The following ATAD2 variants were observed in gnomAD, a reference collection of about 807,000 sequenced individuals.
ATAD2 encodes ATPase family AAA domain containing 2.
ATAD2 carries 62 observed loss-of-function variants against 168.9 expected under a neutral mutation model. The observed-to-expected ratio is 0.37, with a 90% CI of 0.30 to 0.45. ATAD2 has a LOEUF of 0.45. ATAD2 is among the 20% of genes least tolerant of loss of function. ATAD2 has a pLI of 1.00. For missense variants in ATAD2, 1,419 were observed against 1,667.8 expected, an observed-to-expected ratio of 0.85 and a Z score of 2.60; for synonymous variants, 613 against 571.6, an observed-to-expected ratio of 1.07 and a Z score of -1.03.
At chr8:123,353,404 A>C (rs1443472119) in intron 13 of ATAD2, among the ~76,000 whole-genome samples, 1 of 152,066 alleles carries the variant, frequency 6.6e-6, no homozygotes, top group Non-Finnish European at 1.5e-5. Flanking sequence ...ACCAAAACCA[A>C]CAACAACAAA....
At chr8:123,372,763 C>G in intron 2 of ATAD2, 77 bp from the exon 3 acceptor site, 1 of 1,249,486 alleles carries the variant, frequency 8.0e-7, no homozygotes, top group Non-Finnish European at 1.1e-6. Flanking sequence ...GGATTGCACT[C>G]CATCGTCCAA....
chr8:123,341,894 C>A (rs1828072973), intron 19 of ATAD2, among the ~76,000 whole-genome samples: 1 of 152,134 alleles, frequency 6.6e-6, no homozygotes, highest in African/African-American at 2.4e-5. Context: ...CAAGACCAGC[C>A]TGGCCAACAT....
intron 8 of ATAD2, among the ~76,000 whole-genome samples, chr8:123,366,271 G>C (rs1017580664): frequency 2.0e-5 from 3 of 152,078 alleles, no homozygotes; most frequent in Admixed American, 2.0e-4. Context: ...AAAAATAATA[G>C]ATGTTGGTGT....
At chr8:123,347,441 C>A (rs1482243789) in intron 15 of ATAD2, 35 bp from the exon 16 acceptor site, 1 of 1,521,904 alleles carries the variant, frequency 6.6e-7, no homozygotes, top group Non-Finnish European at 8.8e-7. Context: ...AAAGAACCAG[C>A]CGACCAAACA....
upstream of ATAD2, chr8:123,401,065 G>A (rs1812989666): frequency 5.7e-6 from 9 of 1,573,458 alleles, no homozygotes; most frequent in Middle Eastern, 2.3e-4. Flanking sequence ...CCGAGACATC[G>A]ACTTTCTTGC....
At chr8:123,383,194 G>A (rs933388685) in intron 1 of ATAD2, among the ~76,000 whole-genome samples, 3 of 152,028 alleles carry the variant, frequency 2.0e-5, no homozygotes, top group South Asian at 2.1e-4. Flanking sequence ...AGGGCCTTTC[G>A]GGGAGTGGGG....
intron 13 of ATAD2, among the ~76,000 whole-genome samples, chr8:123,355,692 T>C (rs960803801): frequency 6.6e-6 from 1 of 152,022 alleles, no homozygotes; most frequent in Non-Finnish European, 1.5e-5. Context: ...AGGGAAAAAA[T>C]CGATTTTTCA....
In ATAD2 at chr8:123,339,456, G is replaced by A. The variant is rs1828007327; in HGVS notation, c.2719-10C>T. On this transcript the variant is annotated splice_polypyrimidine_tract_variant and intron_variant, in intron 19 of 27. Coordinates refer to ENST00000287394, the MANE Select transcript of ATAD2 (RefSeq NM_014109.4). Reference sequence around the variant, plus strand: ...TAAACAATTCTTGCACCTTAAAAAAGAAAATAAATGCAATATATATCATAT... The same window carrying A: ...TAAACAATTCTTGCACCTTAAAAAAAAAAATAAATGCAATATATATCATAT... 2.6e-6 allele frequency: 4 copies of A among 1,562,302 alleles called. No homozygotes were observed. The South Asian group carries it at 3.5e-5, about 14-fold the overall frequency.
Position 123,342,076 on chromosome 8 carries a change from G to A in ATAD2, c.2719-2630C>T, listed in dbSNP as rs577787417. Among the ~76,000 whole-genome samples, 16 of 152,238 alleles carry A rather than the reference G, an allele frequency of 1.1e-4. No individual in the cohort carries two copies. In the South Asian group the frequency reaches 2.1e-3, roughly 20 times the overall value. ...GCTGCTAGCCTAGGCAACACAGTGC[G>A]ACTCCGTCTCCAAAAATAAATAAAT... On this transcript the variant is annotated intron_variant, in intron 19 of 27. Transcript: ENST00000287394.
intron 1 of ATAD2, 69 bp from the exon 2 acceptor site, chr8:123,380,746 A>G: frequency 6.6e-7 from 1 of 1,508,582 alleles, no homozygotes; most frequent in Non-Finnish European, 9.0e-7. Flanking sequence ...TCCTCCAAAG[A>G]GTATTCTCTG....
At chr8:123,383,125 CA>C (rs1475237247) in intron 1 of ATAD2, among the ~76,000 whole-genome samples, 1 of 152,078 alleles carries the variant, frequency 6.6e-6, no homozygotes, top group Non-Finnish European at 1.5e-5. Flanking sequence ...TGTTCTCACT[CA>C]TAAGTGGGAG....
Position 123,396,338 on chromosome 8 carries a change from C to G in ATAD2, c.20G>C (p.Ser7Thr), listed in dbSNP as rs1173423780. Residue 7 changes from serine to threonine, a missense_variant, in exon 1 of 28, where the codon AGC (serine) becomes ACC (threonine). Coordinates refer to ENST00000287394, the MANE Select transcript of ATAD2 (RefSeq NM_014109.4). ...CGCGGAGTGGTTGTGCAGCTCCAAGCTGCTGCGGAGAACCACCATCTTCTC... is the reference window on the plus strand; with the variant it reads ...CGCGGAGTGGTTGTGCAGCTCCAAGGTGCTGCGGAGAACCACCATCTTCTC... MVVLRS[S>T]LELHNHSAAS... 3.1e-6 allele frequency: 5 copies of G among 1,598,662 alleles called. No individual in the cohort carries two copies. The highest frequency in any genetic ancestry group is 4.3e-6 in the Non-Finnish European group (5 of 1,174,098).
chr8:123,367,932 A>T (rs1829029601), intron 8 of ATAD2, among the ~76,000 whole-genome samples: 2 of 152,134 alleles, frequency 1.3e-5, no homozygotes, highest in South Asian at 4.1e-4. Flanking sequence ...CTAGGAGAAA[A>T]CTTCCAAGAA....
intron 1 of ATAD2, among the ~76,000 whole-genome samples, chr8:123,403,277 T>A (rs1438058850): frequency 6.6e-6 from 1 of 152,082 alleles, no homozygotes; most frequent in Non-Finnish European, 1.5e-5. Flanking sequence ...TTTTTGTATT[T>A]TTCGTGGAGA....
chr8:123,326,116 A>G, intron 25 of ATAD2, 90 bp from the exon 26 acceptor site: 1 of 1,362,194 alleles, frequency 7.3e-7, no homozygotes, highest in South Asian at 1.4e-5. Context: ...TAAACAGGGC[A>G]TGTTTACTAA....
rs1039229064 is a variant in ATAD2 at position 123,394,916 on chromosome 8, G to A, written c.171+1271C>T. Among the ~76,000 whole-genome samples the A allele has an allele frequency of 2.8e-4, 43 of 152,224 alleles. 1 individual carries two copies. Among genetic ancestry groups the A allele is most frequent in the African/African-American group, 1.0e-3 (43 of 41,444 alleles). ...ATCACAATTTCAGAGACTGAAGGGA[G>A]TGTAGTTTTTAACCCATTCCCCTCA... On this transcript the variant is annotated intron_variant, in intron 1 of 27. Coordinates refer to ENST00000287394, the MANE Select transcript of ATAD2 (RefSeq NM_014109.4).
intron 12 of ATAD2, 100 bp from the exon 13 acceptor site, chr8:123,356,577 A>C (rs1304429111): frequency 8.6e-5 from 61 of 709,256 alleles, no homozygotes; most frequent in Non-Finnish European, 1.2e-4. Context: ...AATATGCTTA[A>C]CAGAATTTAT....
In ATAD2 at chr8:123,320,469, TG is replaced by T. The variant is rs1244751802; in HGVS notation, c.*664del. ...TTAACAAGGTAGTTATTAATACATT[TG>T]TTGTGTATATAATTACAAAAGTAAA... On this transcript the variant is annotated 3_prime_UTR_variant, in exon 28 of 28. Transcript: ENST00000287394. 1.3e-5 allele frequency: 2 copies of T among 152,220 alleles called. No homozygotes were observed. 9.4% of individuals were successfully genotyped at this position (152,220 alleles called of 1,614,324 possible). A position where few individuals can be genotyped will look rare whatever the true frequency, so the allele number is the denominator to read the frequency against.
intron 26 of ATAD2, among the ~76,000 whole-genome samples, chr8:123,324,505 T>C (rs1450209614): frequency 6.6e-6 from 1 of 152,158 alleles, no homozygotes; most frequent in African/African-American, 2.4e-5. Flanking sequence ...AAGTTGTTGG[T>C]TGAGGAGATA....
Sources: gnomAD v4.1 joint callset for allele counts (sites outside exome capture counted in the v4.1 genomes callset) on GRCh38, gnomAD v4.1.1 for gene constraint, MANE v1.5 for transcripts, NCBI Gene and HGNC (gene_info 2026-07-23, HGNC 2026-07-21) for gene names.